MYOM3: variants seen among roughly 807,000 people sequenced by gnomAD.
The protein encoded by MYOM3 is myomesin 3.
Under a neutral mutation model 191.7 loss-of-function variants are expected in MYOM3, and 155 were observed. That is an observed-to-expected ratio of 0.81 (90% CI 0.71 to 0.92). The LOEUF is 0.92. Ranked by LOEUF, MYOM3 falls within the 40% of genes least tolerant of loss-of-function variation. The probability of loss-of-function intolerance (pLI) is 0.00; values close to 1 mark genes in which losing one functional copy is unlikely to be tolerated. For missense variants in MYOM3, 1,889 were observed against 1,890.6 expected (o/e 1.00, Z 0.02); for synonymous variants, 757 against 762.9 (o/e 0.99, Z 0.13).
At chr1:24,068,873 G>A (rs1242525738) in intron 25 of MYOM3, among the ~76,000 whole-genome samples, 5 of 151,764 alleles carry the variant, frequency 3.3e-5, no homozygotes, top group African/African-American at 7.3e-5. Context: ...ACAAGCATGC[G>A]CCACCACACC....
chr1:24,105,845 G>T, intron 5 of MYOM3, 75 bp downstream of exon 5: 2 of 1,410,274 alleles, frequency 1.4e-6, no homozygotes, highest in Admixed American at 4.1e-5. Flanking sequence ...AAGAAGTCCT[G>T]GCAGAAGTAT....
chr1:24,108,382 T>C, intron 2 of MYOM3, 94 bp downstream of exon 2: 3 of 1,315,428 alleles, frequency 2.3e-6, no homozygotes, highest in Non-Finnish European at 3.0e-6. Context: ...CCCCATCAGG[T>C]TGGAGCCTCC....
In MYOM3 at chr1:24,090,784, C is replaced by A; in HGVS notation, c.1432+13G>T. ...TGATGTTCTAGAAAGTCGCTTAGGA[C>A]CTCTGTACCCACCTGTCTTCCTCCG... On this transcript the variant is annotated intron_variant, in intron 12 of 36. Coordinates refer to ENST00000374434, the MANE Select transcript of MYOM3 (RefSeq NM_152372.4). 1 of 1,613,780 alleles carries A rather than the reference C, an allele frequency of 6.2e-7. No individual in the cohort carries two copies. Among genetic ancestry groups the A allele is most frequent in the Non-Finnish European group, 8.5e-7 (1 of 1,179,824 alleles).
At chr1:24,070,982 T>G in intron 25 of MYOM3, 135 bp downstream of exon 25, 1 of 1,115,636 alleles carries the variant, frequency 9.0e-7, no homozygotes, top group Non-Finnish European at 1.3e-6. Flanking sequence ...TCCTCATCAC[T>G]GCAACAGCAA....
chr1:24,065,847 C>T (rs534824912), intron 29 of MYOM3, 44 bp downstream of exon 29: 2 of 1,424,408 alleles, frequency 1.4e-6, no homozygotes, highest in Non-Finnish European at 2.0e-6. Context: ...CCCTGGCTTG[C>T]AGCCAAAGGA....
chr1:24,071,034 C>A, intron 25 of MYOM3, 83 bp downstream of exon 25: 1 of 1,519,648 alleles, frequency 6.6e-7, no homozygotes, highest in South Asian at 1.2e-5. Context: ...GGGGGAAGTA[C>A]CAGCCCATGC....
intron 36 of MYOM3, among the ~76,000 whole-genome samples, chr1:24,057,896 T>G (rs1643322258): frequency 6.6e-6 from 1 of 152,160 alleles, no homozygotes; most frequent in South Asian, 2.1e-4. Flanking sequence ...AACCTCTGCC[T>G]CCCAGGATCA....
At position 24,092,980 on chromosome 1, in the gene MYOM3, G is replaced by A. The variant is rs757650022; in HGVS notation, c.1057C>T (p.Pro353Ser). 6.8e-6 allele frequency: 11 copies of A among 1,606,604 alleles called. No homozygotes were observed. The South Asian group carries it at 1.2e-4, about 18-fold the overall frequency. ...AGCACGTAGGTGCTCTGTTCCCGGG[G>A]TCCGAAGGGCGAGGGCACCCGGACC... ...YMVRVPSPFG[P>S]REQSTYVLVR... Residue 353 changes from proline (P) to serine (S), a missense_variant, in exon 10 of 37, where the codon CCC becomes TCC. Physicochemically the swap from Pro to Ser is moderately conservative, Grantham distance 74 (BLOSUM62 -1). Coordinates refer to ENST00000374434, the MANE Select transcript of MYOM3 (RefSeq NM_152372.4).
Position 24,108,064 on chromosome 1 carries a change from C to T in MYOM3, c.171G>A (p.Glu57=), listed in dbSNP as rs1553158351. ...CGTAGTCCGCGGCGCTGAACTCATG[C>T]TCTTCTTCGCTGCTCCCAGAAGGAG... ...RRRTFRSSEE[E]HEFSAADYAL... is the part of the protein sequence containing the mutation. The change falls in exon 3 of 37, where the codon GAG becomes GAA. Residue 57 remains glutamate (E), a synonymous_variant. Coordinates refer to ENST00000374434, the MANE Select transcript of MYOM3 (RefSeq NM_152372.4). 3 of 1,613,486 alleles carry T rather than the reference C, an allele frequency of 1.9e-6. No individual in the cohort carries two copies. Among genetic ancestry groups the T allele is most frequent in the Non-Finnish European group, 2.5e-6 (3 of 1,179,746 alleles).
chr1:24,060,942 G>A, intron 35 of MYOM3, 118 bp downstream of exon 35: 3 of 1,134,946 alleles, frequency 2.6e-6, no homozygotes, highest in Non-Finnish European at 2.6e-6. Context: ...TAAGACCCTA[G>A]AGCCCCACAG....
intron 25 of MYOM3, among the ~76,000 whole-genome samples, chr1:24,069,449 C>T (rs1347633626): frequency 6.6e-6 from 1 of 152,226 alleles, no homozygotes; most frequent in Admixed American, 6.5e-5. Context: ...GTGAAGAGAC[C>T]TGCCAAGGTC....
intron 25 of MYOM3, among the ~76,000 whole-genome samples, chr1:24,068,785 G>A (rs951404674): frequency 6.6e-6 from 1 of 151,910 alleles, no homozygotes; most frequent in Non-Finnish European, 1.5e-5. Context: ...GTGCAGTGGC[G>A]CAATCTCGGC....
chr1:24,079,326 G>A (rs1417991975), intron 20 of MYOM3, among the ~76,000 whole-genome samples: 1 of 151,442 alleles, frequency 6.6e-6, no homozygotes, highest in Non-Finnish European at 1.5e-5. Context: ...TCAGCCTCCC[G>A]AGTAGCTGGG....
chr1:24,078,952 C>T (rs1484403827), intron 20 of MYOM3, among the ~76,000 whole-genome samples: 1 of 152,190 alleles, frequency 6.6e-6, no homozygotes, highest in Non-Finnish European at 1.5e-5. Context: ...GAAGTTAAAA[C>T]AACCATCACT....
At chr1:24,072,325 C>A (rs1643542222) in intron 23 of MYOM3, among the ~76,000 whole-genome samples, 1 of 152,174 alleles carries the variant, frequency 6.6e-6, no homozygotes, top group African/African-American at 2.4e-5. Flanking sequence ...TCTGCATATA[C>A]TTCATTAGTC....
chr1:24,098,972 G>T (rs570949969), intron 6 of MYOM3, among the ~76,000 whole-genome samples: 2 of 152,160 alleles, frequency 1.3e-5, no homozygotes, highest in African/African-American at 4.8e-5. Context: ...GACATGGGGT[G>T]CTTCCCTCAA....
chr1:24,067,868 T>C, intron 27 of MYOM3, 102 bp downstream of exon 27: 1 of 1,160,512 alleles, frequency 8.6e-7, no homozygotes, highest in South Asian at 1.3e-5. Context: ...TGGACCTCCC[T>C]TGGGGACCCA....
intron 1 of MYOM3, among the ~76,000 whole-genome samples, chr1:24,108,904 G>A (rs915437211): frequency 2.0e-5 from 3 of 152,342 alleles, no homozygotes; most frequent in Middle Eastern, 3.4e-3. Flanking sequence ...GAGCCCCCAC[G>A]TTAGGGAGCA....
intron 5 of MYOM3, among the ~76,000 whole-genome samples, chr1:24,100,319 A>G (rs1198814637): frequency 1.3e-5 from 2 of 152,018 alleles, no homozygotes; most frequent in African/African-American, 4.8e-5. Flanking sequence ...ATGGGCTTAT[A>G]AAGCCTTTCC....
Sources: allele counts gnomAD v4.1 joint callset (sites outside exome capture counted in the v4.1 genomes callset), GRCh38; gene constraint gnomAD v4.1.1; transcripts MANE v1.5; gene names NCBI Gene and HGNC (gene_info 2026-07-23, HGNC 2026-07-21).